CAPS2: variants seen among roughly 807,000 people sequenced by gnomAD.
The protein encoded by CAPS2 is calcyphosin-2.
A neutral mutation model predicts 86.5 loss-of-function variants in CAPS2; 98 were observed. The observed-to-expected ratio is 1.13, with a 90% CI of 0.96 to 1.34. The LOEUF is 1.34. Among genes scored for constraint, CAPS2 ranks in the 40% most tolerant of loss-of-function variants. The pLI, the probability that CAPS2 is intolerant of heterozygous loss-of-function variation, is 0.00. For synonymous variants in CAPS2, 210 were observed against 225.1 expected, an observed-to-expected ratio of 0.93 and a Z score of 0.60; for missense variants, 729 against 686.8, an observed-to-expected ratio of 1.06 and a Z score of -0.69.
chr12:75,294,720 T>C (rs761063851), intron 11 of CAPS2, among the ~76,000 whole-genome samples: 14 of 152,174 alleles, frequency 9.2e-5, no homozygotes, highest in Non-Finnish European at 1.8e-4. Context: ...GTCTTCTTAC[T>C]TGAGGACTAG....
At chr12:75,339,783 T>C (rs1190429696) in intron 1 of CAPS2, among the ~76,000 whole-genome samples, 1 of 152,112 alleles carries the variant, frequency 6.6e-6, no homozygotes, top group African/African-American at 2.4e-5. Flanking sequence ...AAGGAAGGGG[T>C]CCAGTTTCAA....
At chr12:75,352,263 A>G (rs1358031042) in intron 1 of CAPS2, among the ~76,000 whole-genome samples, 2 of 152,244 alleles carry the variant, frequency 1.3e-5, no homozygotes, top group African/African-American at 4.8e-5. Context: ...CAAGAGACCC[A>G]TCTCACATGC....
intron 1 of CAPS2, among the ~76,000 whole-genome samples, chr12:75,365,622 A>G (rs74108729): frequency 0.015 from 2,333 of 152,280 alleles, 48 homozygotes; most frequent in African/African-American, 0.053. Context: ...ATTGTTAAAT[A>G]TAACTTTAGA....
At chr12:75,325,750 C>G (rs1171479815) in intron 1 of CAPS2, among the ~76,000 whole-genome samples, 1 of 151,886 alleles carries the variant, frequency 6.6e-6, no homozygotes, top group Admixed American at 6.6e-5. Flanking sequence ...ACAACTTGTA[C>G]TGCACAGGCC....
Position 75,285,036 on chromosome 12 carries a change from G to A in CAPS2, c.1440C>T (p.Gly480=), listed in dbSNP as rs777123293. The change falls in exon 15 of 17, where the codon GGC becomes GGT. Residue 480 remains glycine, a synonymous_variant. Transcript: ENST00000393284. The stretch of plus-strand genomic sequence containing the variant: ...GTTTGAATTCTCCATAATCAACCTT[G>A]CCATTGCCATTGTCATTCAGAATTA... The A allele has an allele frequency of 3.7e-6, 6 of 1,610,696 alleles. No homozygotes were observed. The South Asian group carries it at 6.6e-5, about 18-fold the overall frequency.
intron 1 of CAPS2, among the ~76,000 whole-genome samples, chr12:75,381,154 C>T (rs1339461538): frequency 6.6e-6 from 1 of 152,132 alleles, no homozygotes; most frequent in Non-Finnish European, 1.5e-5. Context: ...CCAGTCTTTC[C>T]TGTGCTATTC....
chr12:75,293,498 G>T, intron 11 of CAPS2, 131 bp from the exon 12 acceptor site: 1 of 662,474 alleles, frequency 1.5e-6, no homozygotes, highest in Non-Finnish European at 2.6e-6. Context: ...AGTATATTTG[G>T]AGAATGCTTA....
At chr12:75,323,752 CAAATAAAT>C (rs1434771620) in intron 2 of CAPS2, among the ~76,000 whole-genome samples, 1 of 152,144 alleles carries the variant, frequency 6.6e-6, no homozygotes, top group African/African-American at 2.4e-5. Context: ...TCAAAATAAA[CAAATAAAT>C]AAATAAATAC....
intron 1 of CAPS2, among the ~76,000 whole-genome samples, chr12:75,341,738 G>C (rs1217029848): frequency 6.8e-6 from 1 of 146,280 alleles, no homozygotes; most frequent in Non-Finnish European, 1.5e-5. Context: ...GAGCCACCGC[G>C]CCCGGCCTCT....
chr12:75,321,861 T>C (rs540712342), intron 4 of CAPS2, among the ~76,000 whole-genome samples: 22 of 152,244 alleles, frequency 1.4e-4, no homozygotes, highest in Admixed American at 1.3e-3. Flanking sequence ...AAAAAATGAC[T>C]TATCTTTCTT....
intron 1 of CAPS2, among the ~76,000 whole-genome samples, chr12:75,354,168 G>T (rs535014622): frequency 8.2e-5 from 5 of 61,292 alleles, no homozygotes; most frequent in East Asian, 1.1e-3. Flanking sequence ...GAAAAAAAAG[G>T]GGGGGGGGTA....
intron 1 of CAPS2, chr12:75,344,009 G>A (rs2042289786): frequency 7.9e-7 from 1 of 1,271,850 alleles, no homozygotes; most frequent in African/African-American, 1.5e-5. Context: ...TTATTTCTCT[G>A]TATGTAAAGT....
chr12:75,377,134 T>A (rs2044693266), intron 1 of CAPS2, among the ~76,000 whole-genome samples: 1 of 152,206 alleles, frequency 6.6e-6, no homozygotes, highest in East Asian at 1.9e-4. Context: ...CCAAGAACTA[T>A]CAGTGCTCTC....
chr12:75,285,863 T>A (rs1164218661), intron 14 of CAPS2, among the ~76,000 whole-genome samples: 1 of 151,998 alleles, frequency 6.6e-6, no homozygotes, highest in East Asian at 1.9e-4. Flanking sequence ...CTAGTCTTCA[T>A]GCTTGAAAAT....
chr12:75,284,772 T>C (rs1477097955), intron 15 of CAPS2, among the ~76,000 whole-genome samples, 189 bp downstream of exon 15: 1 of 152,136 alleles, frequency 6.6e-6, no homozygotes, highest in Non-Finnish European at 1.5e-5. Flanking sequence ...TTCTAAAATA[T>C]ATACACAAGT....
chr12:75,298,590 T>C, intron 11 of CAPS2, 97 bp downstream of exon 11: 1 of 873,372 alleles, frequency 1.1e-6, no homozygotes, highest in Non-Finnish European at 1.8e-6. Context: ...GGAGAGGAAA[T>C]AAATTGAAGA....
chr12:75,325,897 G>A (rs1305333886), intron 1 of CAPS2, among the ~76,000 whole-genome samples: 2 of 151,964 alleles, frequency 1.3e-5, no homozygotes, highest in Non-Finnish European at 2.9e-5. Flanking sequence ...TGAAGGGTTT[G>A]ACAAAGAAAG....
intron 5 of CAPS2, chr12:75,318,174 A>G (rs2039963091): frequency 6.6e-6 from 1 of 152,156 alleles, no homozygotes; most frequent in Non-Finnish European, 1.5e-5. Flanking sequence ...TCTCAAGTCT[A>G]TAACCAATCC....
intron 1 of CAPS2, among the ~76,000 whole-genome samples, chr12:75,375,665 T>C (rs7980179): frequency 0.98 from 149,265 of 152,340 alleles, 73,144 homozygotes; most frequent in East Asian, 1. Flanking sequence ...TCTGCCTATA[T>C]AAATTAAGTA....
Sources: gnomAD v4.1 joint callset for allele counts (sites outside exome capture counted in the v4.1 genomes callset) on GRCh38, gnomAD v4.1.1 for gene constraint, MANE v1.5 for transcripts, NCBI Gene and HGNC (gene_info 2026-07-23, HGNC 2026-07-21) for gene names.